Variants in MTNR1A observed in about 807,000 individuals in gnomAD.
The protein encoded by MTNR1A is melatonin receptor type 1A.
A neutral mutation model predicts 5.5 loss-of-function variants in MTNR1A; 7 were observed. That is an observed-to-expected ratio of 1.28 (90% CI 0.73 to 2.40). The LOEUF (loss-of-function observed/expected upper bound fraction) is 2.40. Ranked by LOEUF, MTNR1A falls within the 30% of genes most tolerant of loss-of-function variation. The pLI is 0.00. For missense variants in MTNR1A, 441 were observed against 464.4 expected, an observed-to-expected ratio of 0.95 and a Z score of 0.46; for synonymous variants, 196 against 202.7, an observed-to-expected ratio of 0.97 and a Z score of 0.28.
intron 1 of MTNR1A, among the ~76,000 whole-genome samples, chr4:186,536,038 A>G (rs1404871354): frequency 6.6e-6 from 1 of 152,190 alleles, no homozygotes; most frequent in East Asian, 1.9e-4. Context: ...GAGAGACAGG[A>G]AAAGTCAAAA....
intron 1 of MTNR1A, among the ~76,000 whole-genome samples, chr4:186,553,731 C>T (rs1483746304): frequency 1.3e-5 from 2 of 152,290 alleles, no homozygotes; most frequent in East Asian, 3.9e-4. Flanking sequence ...CAGCTGGTCT[C>T]GAACTCCTGA....
At chr4:186,550,416 G>A (rs1004607022) in intron 1 of MTNR1A, among the ~76,000 whole-genome samples, 2 of 152,180 alleles carry the variant, frequency 1.3e-5, no homozygotes, top group Non-Finnish European at 2.9e-5. Context: ...AGAAAAAAGG[G>A]AAAGCTTAAG....
rs546026620 is a variant in MTNR1A, at chr4:186,533,672, C to T, written c.*17G>A. The T allele has an allele frequency of 1.7e-5, 28 of 1,613,458 alleles. No individual in the cohort carries two copies. The East Asian group carries it at 2.2e-4, about 13-fold the overall frequency. On this transcript the variant is annotated 3_prime_UTR_variant, in exon 2 of 2. Transcript: ENST00000307161. ...CCTTGCGCAGCGTGTCCATCTCACC[C>T]GGAACGTGGTGCTTTTTTAAACGGA... is the stretch of plus-strand genomic sequence containing the variant.
chr4:186,533,663 C>T lies in MTNR1A; in HGVS notation c.*26G>A, dbSNP rs770008453. ...AGAGCGAGGCCTTGCGCAGCGTGTC[C>T]ATCTCACCCGGAACGTGGTGCTTTT... On this transcript the variant is annotated 3_prime_UTR_variant, in exon 2 of 2. Coordinates refer to ENST00000307161, the MANE Select transcript of MTNR1A (RefSeq NM_005958.4). The T allele has an allele frequency of 2.5e-6, 4 of 1,612,990 alleles. No individual in the cohort carries two copies. In the African/African-American group the frequency reaches 5.3e-5, roughly 22 times the overall value.
At chr4:186,545,136 T>C (rs1737113803) in intron 1 of MTNR1A, among the ~76,000 whole-genome samples, 1 of 152,070 alleles carries the variant, frequency 6.6e-6, no homozygotes, top group African/African-American at 2.4e-5. Context: ...GTACCAAGCC[T>C]CTGTCTCAGG....
rs1051409952 is a variant in MTNR1A at position 186,534,669 on chromosome 4, C to T, written c.185-112G>A. ...CAGCTCCGATGACCTGACGTCACAG[C>T]GGCGGCCGCACTGCAAATGAAGTGG... On this transcript the variant is annotated intron_variant, in intron 1 of 1. Coordinates refer to ENST00000307161, the MANE Select transcript of MTNR1A (RefSeq NM_005958.4). 62 of 1,336,324 alleles carry T rather than the reference C, an allele frequency of 4.6e-5. No homozygotes were observed. In the East Asian group the frequency reaches 1.1e-3, roughly 24 times the overall value. The allele number at this position is 1,336,324 out of a possible 1,614,324, so 82.8% of individuals were successfully genotyped here.
At chr4:186,544,219 C>T (rs1737089332) in intron 1 of MTNR1A, among the ~76,000 whole-genome samples, 3 of 152,102 alleles carry the variant, frequency 2.0e-5, no homozygotes, top group Admixed American at 1.3e-4. Context: ...TGGGATTTCA[C>T]CATATTGGCC....
chr4:186,535,944 C>T (rs1471586406), intron 1 of MTNR1A, among the ~76,000 whole-genome samples: 1 of 152,112 alleles, frequency 6.6e-6, no homozygotes, highest in Non-Finnish European at 1.5e-5. Context: ...CTTTATACTG[C>T]TTTTTACTCA....
rs116952947 is a variant in MTNR1A at position 186,542,098 on chromosome 4, C to T, written c.185-7541G>A. 1.2e-3 allele frequency among the ~76,000 whole-genome samples: 179 copies of T among 152,304 alleles called. 1 individual carries two copies. The East Asian group carries it at 0.017, about 15-fold the overall frequency. ...TCATGAGCTCAGCATCAGATTACTC[C>T]TCATGAAAACTGATCTGGATGCAGC... On this transcript the variant is annotated intron_variant, in intron 1 of 1. Transcript: ENST00000307161.
chr4:186,535,015 T>C (rs906718198), intron 1 of MTNR1A, among the ~76,000 whole-genome samples: 1 of 152,156 alleles, frequency 6.6e-6, no homozygotes, highest in Non-Finnish European at 1.5e-5. Context: ...GCTGATCCCA[T>C]AGAGAGGGAG....
chr4:186,534,214 C>T lies in MTNR1A; in HGVS notation c.528G>A (p.Ser176=), dbSNP rs766425059. The T allele has an allele frequency of 8.7e-6, 14 of 1,613,840 alleles. No individual in the cohort carries two copies. Among genetic ancestry groups the T allele is most frequent in the South Asian group, 6.6e-5 (6 of 91,082 alleles). The change falls in exon 2 of 2, where the codon TCG becomes TCA. Residue 176 remains serine (S), a synonymous_variant. Transcript: ENST00000307161. ...GTLQYDPRIY[S]CTFAQSVSSA... Reference sequence around the variant, plus strand: ...AGCTGACGGACTGGGCGAAGGTGCACGAGTAGATCCTCGGGTCGTACTGGA... The same window carrying T: ...AGCTGACGGACTGGGCGAAGGTGCATGAGTAGATCCTCGGGTCGTACTGGA...
chr4:186,544,767 C>T (rs974443893), intron 1 of MTNR1A, among the ~76,000 whole-genome samples: 2 of 152,184 alleles, frequency 1.3e-5, no homozygotes, highest in Non-Finnish European at 2.9e-5. Flanking sequence ...AGCCTGGGCT[C>T]CAGGCGGCTT....
chr4:186,554,342 G>A (rs943570256), intron 1 of MTNR1A, among the ~76,000 whole-genome samples: 2 of 152,120 alleles, frequency 1.3e-5, no homozygotes, highest in Non-Finnish European at 2.9e-5. Flanking sequence ...TGGCAGACAT[G>A]TTAAGTGCAC....
intron 1 of MTNR1A, among the ~76,000 whole-genome samples, chr4:186,544,108 C>A (rs1226675821): frequency 6.6e-6 from 1 of 152,146 alleles, no homozygotes; most frequent in Non-Finnish European, 1.5e-5. Flanking sequence ...GTCCCCCACC[C>A]CCACTGGGTT....
chr4:186,555,443 G>A lies in MTNR1A; in HGVS notation c.-78C>T. The A allele has an allele frequency of 1.7e-6, 2 of 1,206,120 alleles. No homozygotes were observed. Among genetic ancestry groups the A allele is most frequent in the Non-Finnish European group, 2.1e-6 (2 of 953,456 alleles). The allele number at this position is 1,206,120 out of a possible 1,614,324, so 74.7% of individuals were successfully genotyped here. A position where few individuals can be genotyped will look rare whatever the true frequency, so the allele number is the denominator to read the frequency against. On this transcript the variant is annotated 5_prime_UTR_variant, in exon 1 of 2. Coordinates refer to ENST00000307161, the MANE Select transcript of MTNR1A (RefSeq NM_005958.4). This position sits in a 1 kb window ranked among gnomAD's most constrained non-coding sequence, Gnocchi z 4.1. ...CCGACCACTTGTTAAGGCTCCGCCC[G>A]GCGCTCCCCGCGCCCACGCCCCATC...
chr4:186,541,240 G>A (rs114368399), intron 1 of MTNR1A, among the ~76,000 whole-genome samples: 1 of 152,154 alleles, frequency 6.6e-6, no homozygotes, highest in Non-Finnish European at 1.5e-5. Context: ...GTACAGCCCT[G>A]AAAAACAAGG....
At chr4:186,549,650 A>G (rs1327339303) in intron 1 of MTNR1A, among the ~76,000 whole-genome samples, 4 of 152,168 alleles carry the variant, frequency 2.6e-5, no homozygotes, top group African/African-American at 9.7e-5. Flanking sequence ...CTATTTTCAT[A>G]CTTTTGTACC....
intron 1 of MTNR1A, among the ~76,000 whole-genome samples, chr4:186,546,817 T>C (rs1001504465): frequency 1.3e-5 from 2 of 150,232 alleles, no homozygotes; most frequent in African/African-American, 5.0e-5. Flanking sequence ...CACCACACCC[T>C]GTTCGTGGGA....
chr4:186,537,586 G>A (rs1174351071), intron 1 of MTNR1A, among the ~76,000 whole-genome samples: 1 of 152,158 alleles, frequency 6.6e-6, no homozygotes, highest in Admixed American at 6.5e-5. Context: ...ATTGAGAGAT[G>A]GGTTAATGAT....
Sources: gnomAD v4.1 joint callset for allele counts (sites outside exome capture counted in the v4.1 genomes callset) on GRCh38, gnomAD v4.1.1 for gene constraint, Gnocchi (gnomAD v3.1) non-coding constraint, MANE v1.5 for transcripts, NCBI Gene and HGNC (gene_info 2026-07-23, HGNC 2026-07-21) for gene names.